The following PPARGC1A variants were observed in gnomAD, a reference collection of about 807,000 sequenced individuals.
The protein encoded by PPARGC1A is peroxisome proliferator-activated receptor gamma coactivator 1-alpha.
In PPARGC1A, 25 loss-of-function variants were observed where a neutral mutation model predicts 88.7. That is an observed-to-expected ratio of 0.28 (90% CI 0.21 to 0.39). PPARGC1A has a LOEUF of 0.39. Ranked by LOEUF, PPARGC1A falls within the 10% of genes least tolerant of loss-of-function variation. PPARGC1A has a pLI of 1.00. For missense variants in PPARGC1A, 880 were observed against 968.7 expected (o/e 0.91, Z 1.22); for synonymous variants, 363 against 355.6 (o/e 1.02, Z -0.24).
chr4:23,868,879 T>G (rs1712650728), intron 2 of PPARGC1A, among the ~76,000 whole-genome samples: 1 of 152,216 alleles, frequency 6.6e-6, no homozygotes, highest in African/African-American at 2.4e-5. Flanking sequence ...TAAGACTCAT[T>G]TCCAATGGCA....
the PPARGC1A span, among the ~76,000 whole-genome samples, chr4:24,235,082 G>GA: frequency 6.6e-6 from 1 of 152,032 alleles, no homozygotes; most frequent in East Asian, 1.9e-4. Flanking sequence ...GATGCATCAA[G>GA]AAAAAACTCC....
At chr4:24,422,747 T>C in the PPARGC1A span, among the ~76,000 whole-genome samples, 1 of 151,920 alleles carries the variant, frequency 6.6e-6, no homozygotes, top group African/African-American at 2.4e-5. Flanking sequence ...TTAGCATAAA[T>C]AGGTAACACA....
At chr4:24,149,125 C>G in the PPARGC1A span, among the ~76,000 whole-genome samples, 2,485 of 151,744 alleles carry the variant, frequency 0.016, 65 homozygotes, top group African/African-American at 0.057. Flanking sequence ...ATAACATTGT[C>G]AAAATACAAA....
At chr4:24,440,753 G>C in the PPARGC1A span, among the ~76,000 whole-genome samples, 1 of 151,898 alleles carries the variant, frequency 6.6e-6, no homozygotes, top group Non-Finnish European at 1.5e-5. Context: ...AGTGAGCAGA[G>C]ATTGCACCAC....
the PPARGC1A span, among the ~76,000 whole-genome samples, chr4:24,040,968 A>G: frequency 6.6e-6 from 1 of 152,224 alleles, no homozygotes; most frequent in Non-Finnish European, 1.5e-5. Flanking sequence ...AAGCTGCATT[A>G]GTCTAGGATG....
At chr4:24,467,101 A>G in the PPARGC1A span, among the ~76,000 whole-genome samples, 127 of 141,438 alleles carry the variant, frequency 9.0e-4, no homozygotes, top group African/African-American at 3.1e-3. Context: ...AGAGAGAGAG[A>G]AGGAGGGAGG....
the PPARGC1A span, among the ~76,000 whole-genome samples, chr4:24,056,829 G>A: frequency 6.6e-6 from 1 of 152,188 alleles, no homozygotes; most frequent in Non-Finnish European, 1.5e-5. Flanking sequence ...TGGTGAAATT[G>A]GGCCCCTTGT....
At chr4:24,205,130 C>T in the PPARGC1A span, among the ~76,000 whole-genome samples, 4 of 152,134 alleles carry the variant, frequency 2.6e-5, no homozygotes, top group African/African-American at 9.7e-5. Flanking sequence ...CAGCCTCATG[C>T]AAGTTTATAA....
the PPARGC1A span, among the ~76,000 whole-genome samples, chr4:24,085,902 A>G: frequency 6.6e-6 from 1 of 152,128 alleles, no homozygotes; most frequent in Non-Finnish European, 1.5e-5. Context: ...AGCCTCATCT[A>G]CCAAATAGGA....
At chr4:24,387,571 A>C in the PPARGC1A span, among the ~76,000 whole-genome samples, 1 of 151,810 alleles carries the variant, frequency 6.6e-6, no homozygotes, top group East Asian at 1.9e-4. Context: ...TAAAAATACA[A>C]AAATTAGCTG....
chr4:23,994,953 T>G, the PPARGC1A span, among the ~76,000 whole-genome samples: 1 of 152,328 alleles, frequency 6.6e-6, no homozygotes, highest in African/African-American at 2.4e-5. Flanking sequence ...GAAGAAGGAT[T>G]GCTGAGCAAA....
chr4:24,262,022 A>AAAG, the PPARGC1A span, among the ~76,000 whole-genome samples: 1 of 152,178 alleles, frequency 6.6e-6, no homozygotes, highest in Non-Finnish European at 1.5e-5. Flanking sequence ...CCTCACTGTT[A>AAAG]TCTCTGGGGC....
the PPARGC1A span, among the ~76,000 whole-genome samples, chr4:24,033,272 T>C: frequency 1.3e-5 from 2 of 152,178 alleles, no homozygotes; most frequent in Non-Finnish European, 2.9e-5. Flanking sequence ...AGAGTTGAGG[T>C]AACAACTAAA....
At chr4:24,303,908 A>G in the PPARGC1A span, among the ~76,000 whole-genome samples, 6 of 152,246 alleles carry the variant, frequency 3.9e-5, no homozygotes, top group Non-Finnish European at 5.9e-5. Flanking sequence ...AGTAAATGGC[A>G]GAAAGAGGGA....
At chr4:24,207,759 G>T in the PPARGC1A span, among the ~76,000 whole-genome samples, 175 of 152,194 alleles carry the variant, frequency 1.1e-3, 2 homozygotes, top group African/African-American at 4.1e-3. Flanking sequence ...AGCCACAAAA[G>T]TGTTCTAATT....
chr4:24,014,283 T>C, the PPARGC1A span, among the ~76,000 whole-genome samples: 1 of 152,108 alleles, frequency 6.6e-6, no homozygotes, highest in Non-Finnish European at 1.5e-5. Flanking sequence ...CATCTTTCCT[T>C]TGGATTCACT....
the PPARGC1A span, among the ~76,000 whole-genome samples, chr4:24,281,394 T>C: frequency 1.3e-5 from 2 of 152,178 alleles, no homozygotes; most frequent in Non-Finnish European, 2.9e-5. Context: ...GGAGACAGCA[T>C]GTGTAGAGAT....
chr4:24,189,625 T>A, the PPARGC1A span, among the ~76,000 whole-genome samples: 1 of 152,152 alleles, frequency 6.6e-6, no homozygotes, highest in African/African-American at 2.4e-5. Flanking sequence ...ATTCCTTGTA[T>A]CACTTCTAGC....
the PPARGC1A span, among the ~76,000 whole-genome samples, chr4:24,122,436 T>TATATATATAG: frequency 1.1e-4 from 14 of 124,246 alleles, no homozygotes; most frequent in Admixed American, 1.7e-4. Flanking sequence ...TATATATATA[T>TATATATATAG]AGAGAGAGAG....
Sources: allele counts gnomAD v4.1 joint callset (sites outside exome capture counted in the v4.1 genomes callset), GRCh38; gene constraint gnomAD v4.1.1; transcripts MANE v1.5; gene names NCBI Gene and HGNC (gene_info 2026-07-23, HGNC 2026-07-21).